The following TTC12 variants were observed in gnomAD, a reference collection of about 807,000 sequenced individuals.
TTC12 encodes tetratricopeptide repeat protein 12.
Under a neutral mutation model 90.1 loss-of-function variants are expected in TTC12, and 70 were observed. The ratio of observed to expected loss-of-function variants is 0.78; its 90% CI spans 0.64 to 0.95. TTC12 has a LOEUF of 0.95. TTC12 is among the 40% of genes least tolerant of loss of function. The pLI is 0.00. For synonymous variants in TTC12, 296 were observed against 311.5 expected (o/e 0.95, Z 0.53); for missense variants, 819 against 846.1 (o/e 0.97, Z 0.40).
downstream of TTC12, among the ~76,000 whole-genome samples, chr11:113,366,976 A>G (rs1398256840): frequency 6.6e-6 from 1 of 152,238 alleles, no homozygotes; most frequent in Non-Finnish European, 1.5e-5. Flanking sequence ...AAGGTGCCAA[A>G]GCACAGGCTT....
chr11:113,364,182 G>A (rs1224552544), intron 20 of TTC12, among the ~76,000 whole-genome samples: 2 of 152,208 alleles, frequency 1.3e-5, no homozygotes, highest in South Asian at 2.1e-4. Flanking sequence ...TCAAAGCTAG[G>A]AAACTCCCTC....
At chr11:113,366,103 C>T in intron 21 of TTC12, 122 bp from the exon 22 acceptor site, 1 of 1,054,402 alleles carries the variant, frequency 9.5e-7, no homozygotes, top group Non-Finnish European at 1.4e-6. Flanking sequence ...CTTCCTGTTT[C>T]CACCCAGAGT....
At chr11:113,332,509 C>T (rs1418902741) in intron 7 of TTC12, among the ~76,000 whole-genome samples, 2 of 152,310 alleles carry the variant, frequency 1.3e-5, no homozygotes, top group African/African-American at 4.8e-5. Context: ...GCTAGAGTTT[C>T]CTCTTTTCCC....
chr11:113,362,351 T>G (rs781968245), intron 18 of TTC12, 50 bp from the exon 19 acceptor site: 1 of 1,414,178 alleles, frequency 7.1e-7, no homozygotes, highest in Non-Finnish European at 1.0e-6. Context: ...TTAAAGGTTG[T>G]CAGCATTTCT....
chr11:113,324,463 C>G lies in TTC12; in HGVS notation c.245-142C>G, dbSNP rs1047104577. 4.3e-5 allele frequency: 26 copies of G among 604,512 alleles called. No homozygotes were observed. In the South Asian group the frequency reaches 5.5e-4, roughly 13 times the overall value. 37.4% of individuals were successfully genotyped at this position (604,512 alleles called of 1,614,324 possible). ...ATGAAGAAAATGTCATTTTAGTTGC[C>G]TCAGAATGGTGTGTGTGCGTGTGTG... On this transcript the variant is annotated intron_variant, in intron 4 of 21. Transcript: ENST00000529221.
chr11:113,345,578 G>A (rs1276357030), intron 13 of TTC12, among the ~76,000 whole-genome samples: 2 of 152,298 alleles, frequency 1.3e-5, no homozygotes, highest in African/African-American at 2.4e-5. Flanking sequence ...GTGACAGGAT[G>A]GTTATTAAGC....
chr11:113,323,994 A>G lies in TTC12; in HGVS notation c.223A>G (p.Ser75Gly). 1 of 1,611,692 alleles carries G rather than the reference A, an allele frequency of 6.2e-7. No individual in the cohort carries two copies. Among genetic ancestry groups the G allele is most frequent in the Non-Finnish European group, 8.5e-7 (1 of 1,178,418 alleles). ...TTTTTATGGTAACCTACGTCTACAG[A>G]GTGCAGAAGAAATAAACTCAGGTAA... The part of the protein sequence containing the change: ...MISPPQTAMK[S>G]AEEINSEAFL... Residue 75 changes from serine (S) to glycine (G), a missense_variant and splice_region_variant, in exon 4 of 22, where the codon AGT (serine) becomes GGT (glycine). Ser to Gly is a moderately conservative substitution (Grantham distance 56). Coordinates refer to ENST00000529221, the MANE Select transcript of TTC12 (RefSeq NM_017868.4).
intron 6 of TTC12, among the ~76,000 whole-genome samples, chr11:113,327,498 T>TA (rs1327575803): frequency 1.3e-5 from 2 of 152,232 alleles, no homozygotes; most frequent in Non-Finnish European, 2.9e-5. Flanking sequence ...GAGTTAATGT[T>TA]ATGATCAATA....
chr11:113,334,949 C>T lies in TTC12; in HGVS notation c.505-17C>T, dbSNP rs1948276113. On this transcript the variant is annotated splice_polypyrimidine_tract_variant and intron_variant, in intron 7 of 21. Transcript: ENST00000529221. Reference sequence around the variant, plus strand: ...ACATCTTCTAAAACTTCTGATCAGTCATTCTCTTTTATGCAGTGTGATGAA... The same window carrying T: ...ACATCTTCTAAAACTTCTGATCAGTTATTCTCTTTTATGCAGTGTGATGAA... 1.2e-5 allele frequency: 20 copies of T among 1,607,380 alleles called. No homozygotes were observed. In the East Asian group the frequency reaches 4.5e-4, roughly 36 times the overall value.
At chr11:113,329,741 T>G in intron 6 of TTC12, 179 bp from the exon 7 acceptor site, 1 of 671,292 alleles carries the variant, frequency 1.5e-6, no homozygotes, top group Admixed American at 2.0e-5. Context: ...GGTCCCTGTA[T>G]TCAACTCTCC....
At chr11:113,336,327 T>C (rs1948368770) in intron 8 of TTC12, among the ~76,000 whole-genome samples, 1 of 152,224 alleles carries the variant, frequency 6.6e-6, no homozygotes, top group South Asian at 2.1e-4. Flanking sequence ...CCACTCCTTG[T>C]ATTGCCTTTT....
intron 2 of TTC12, among the ~76,000 whole-genome samples, chr11:113,319,190 G>C (rs1282620728): frequency 5.3e-5 from 8 of 152,112 alleles, no homozygotes; most frequent in Non-Finnish European, 7.4e-5. Context: ...CCCAAATCCT[G>C]TAACTCCAGT....
At chr11:113,323,585 G>C (rs1245014169) in intron 3 of TTC12, 134 bp downstream of exon 3, 3 of 582,642 alleles carry the variant, frequency 5.1e-6, no homozygotes, top group Non-Finnish European at 7.9e-6. Flanking sequence ...TTATAAGAAA[G>C]TATAAAATTT....
At chr11:113,353,429 CTG>C (rs1322885897) in intron 16 of TTC12, among the ~76,000 whole-genome samples, 53 of 152,306 alleles carry the variant, frequency 3.5e-4, no homozygotes, top group African/African-American at 1.2e-3. Flanking sequence ...TCTGTTCACT[CTG>C]TTGATAATTT....
intron 2 of TTC12, among the ~76,000 whole-genome samples, chr11:113,322,341 G>A (rs1278460022): frequency 2.0e-5 from 3 of 152,132 alleles, no homozygotes; most frequent in African/African-American, 4.8e-5. Flanking sequence ...GTGATGCAGC[G>A]TTCCTGATTA....
In TTC12 at chr11:113,339,328, A is replaced by G; in HGVS notation, c.680A>G (p.Gln227Arg). 1 of 1,610,880 alleles carries G rather than the reference A, an allele frequency of 6.2e-7. No homozygotes were observed. The highest frequency in any genetic ancestry group is 8.5e-7 in the Non-Finnish European group (1 of 1,179,188). The change falls in exon 10 of 22, where the codon CAA becomes CGA. Residue 227 changes from glutamine (Q) to arginine (R), a missense_variant. Physicochemically the swap from Gln to Arg is conservative, Grantham distance 43. Coordinates refer to ENST00000529221, the MANE Select transcript of TTC12 (RefSeq NM_017868.4). ...GATCTTCAGGAAAAAGCAGACCTTC[A>G]AGAAAAGGAAGCCCACGAACTGCTG... is the stretch of plus-strand genomic sequence containing the variant. ...QVDLQEKADL[Q>R]EKEAHELLDS...
rs564510456 is a variant in TTC12 at position 113,341,580 on chromosome 11, T to C, written c.897-257T>C. 3.9e-4 allele frequency: 193 copies of C among 492,034 alleles called. 2 individuals are homozygous for C. The highest frequency in any genetic ancestry group is 8.2e-4 in the Admixed American group (25 of 30,340). The allele number at this position is 492,034 out of a possible 1,614,324, so 30.5% of individuals were successfully genotyped here. On this transcript the variant is annotated intron_variant, in intron 11 of 21. Transcript: ENST00000529221. ...TGTCTGTGTGCTCAGCCACAGTTCA[T>C]TGGTCCCAGTGCAGCCATCGCCCAT...
Position 113,359,984 on chromosome 11 carries a change from C to T in TTC12, c.1590C>T (p.Asn530=). 1.2e-6 allele frequency: 2 copies of T among 1,600,118 alleles called. No individual in the cohort carries two copies. The highest frequency in any genetic ancestry group is 1.7e-6 in the Non-Finnish European group (2 of 1,173,640). ...GCAGAAGGTGCCTGTCTTTACTAAA[C>T]AGCCAGGATGGAGGAATCCTGACAG... is the stretch of plus-strand genomic sequence containing the variant. ...EVSRRCLSLL[N]SQDGGILTRA... Residue 530 remains asparagine, a synonymous_variant, in exon 18 of 22, where the codon AAC becomes AAT. Transcript: ENST00000529221.
intron 10 of TTC12, 78 bp downstream of exon 10, chr11:113,339,552 C>G: frequency 7.8e-7 from 1 of 1,274,230 alleles, no homozygotes; most frequent in South Asian, 1.5e-5. Context: ...TTTACCAGGC[C>G]AAGAATCCCT....
Sources: allele counts gnomAD v4.1 joint callset (sites outside exome capture counted in the v4.1 genomes callset), GRCh38; gene constraint gnomAD v4.1.1; transcripts MANE v1.5; gene names NCBI Gene and HGNC (gene_info 2026-07-23, HGNC 2026-07-21).